R3HDM2: variants seen among roughly 807,000 people sequenced by gnomAD.
R3HDM2 encodes the protein R3H domain containing 2.
A neutral mutation model predicts 124.5 loss-of-function variants in R3HDM2; 38 were observed. The observed-to-expected ratio is 0.31, with a 90% confidence interval of 0.24 to 0.40. The LOEUF (loss-of-function observed/expected upper bound fraction) is 0.40, where lower values mean the gene tolerates loss of function less well. Ranked by LOEUF, R3HDM2 falls within the 10% of genes least tolerant of loss-of-function variation. The pLI, the probability that R3HDM2 is intolerant of heterozygous loss-of-function variation, is 1.00. For synonymous variants in R3HDM2, 391 were observed against 448.0 expected (o/e 0.87, Z 1.61); for missense variants, 869 against 1,236.9 (o/e 0.70, Z 4.46).
intron 2 of R3HDM2, among the ~76,000 whole-genome samples, chr12:57,377,533 G>A (rs924088649): frequency 4.6e-5 from 7 of 151,960 alleles, no homozygotes; most frequent in Middle Eastern, 3.4e-3. Flanking sequence ...GAATCTACCC[G>A]CTAAACCTGT....
chr12:57,314,428 G>A (rs941358509), intron 2 of R3HDM2, among the ~76,000 whole-genome samples: 2 of 152,108 alleles, frequency 1.3e-5, no homozygotes, highest in African/African-American at 4.8e-5. Flanking sequence ...GCGGTGAGCC[G>A]AGATTGTGCC....
chr12:57,297,975 C>T, intron 7 of R3HDM2, 115 bp downstream of exon 7: 3 of 740,648 alleles, frequency 4.1e-6, no homozygotes, highest in Non-Finnish European at 7.3e-6. Context: ...ACTAGGGGGA[C>T]AGGAAGATGA....
At chr12:57,372,243 C>T (rs1207416615) in intron 2 of R3HDM2, among the ~76,000 whole-genome samples, 1 of 152,140 alleles carries the variant, frequency 6.6e-6, no homozygotes, top group Non-Finnish European at 1.5e-5. Context: ...CCAGGTATGT[C>T]ATCCAAGTTG....
intron 2 of R3HDM2, among the ~76,000 whole-genome samples, chr12:57,319,151 C>T (rs139569504): frequency 2.0e-5 from 3 of 152,120 alleles, no homozygotes; most frequent in East Asian, 1.9e-4. Context: ...GGAGTGCAAG[C>T]GGCATGATCT....
At chr12:57,289,937 T>C (rs2048245897) in intron 11 of R3HDM2, among the ~76,000 whole-genome samples, 2 of 152,242 alleles carry the variant, frequency 1.3e-5, no homozygotes, top group South Asian at 4.1e-4. Context: ...TGGAGTATGA[T>C]GGGCTTTGGC....
At chr12:57,412,850 C>T (rs922118217) in intron 1 of R3HDM2, among the ~76,000 whole-genome samples, 9 of 150,366 alleles carry the variant, frequency 6.0e-5, no homozygotes, top group Admixed American at 1.3e-4. Flanking sequence ...TAAAAACACA[C>T]AAAAAATTAG....
rs2067415158 is a variant in R3HDM2 at position 57,395,777 on chromosome 12, C to T, written c.-64G>A. The T allele has an allele frequency of 1.0e-6, 1 of 984,774 alleles. No individual in the cohort carries two copies. Among genetic ancestry groups the T allele is most frequent in the Admixed American group, 6.2e-5 (1 of 16,234 alleles). 61.0% of individuals were successfully genotyped at this position (984,774 alleles called of 1,614,324 possible). A position where few individuals can be genotyped will look rare whatever the true frequency, so the allele number is the denominator to read the frequency against. On this transcript the variant is annotated 5_prime_UTR_variant, in exon 2 of 24. An upstream open reading frame in the 5' UTR gains an earlier in-frame stop. Coordinates refer to ENST00000402412, the MANE Select transcript of R3HDM2 (RefSeq NM_001394031.1). Reference sequence around the variant, plus strand: ...AATAAATGCTCAGCCTCCATGAGTCCAGTGCTGGAATGGCATCACATATAA... The same window carrying T: ...AATAAATGCTCAGCCTCCATGAGTCTAGTGCTGGAATGGCATCACATATAA...
At chr12:57,413,848 T>C (rs953406766) in intron 1 of R3HDM2, among the ~76,000 whole-genome samples, 797 of 3,670 alleles carry the variant, frequency 0.22, 3 homozygotes, top group Middle Eastern at 0.29. Flanking sequence ...ATCCCCCCCC[T>C]TTTTTTTTTT....
intron 12 of R3HDM2, among the ~76,000 whole-genome samples, chr12:57,288,112 T>C (rs2047771644): frequency 6.6e-6 from 1 of 150,410 alleles, no homozygotes; most frequent in Non-Finnish European, 1.5e-5. Context: ...CTCCGCCTCC[T>C]GGGTTCAAGC....
chr12:57,325,020 G>T (rs2057090964), intron 2 of R3HDM2, among the ~76,000 whole-genome samples: 5 of 152,178 alleles, frequency 3.3e-5, no homozygotes, highest in Admixed American at 2.0e-4. Context: ...CAGAGAGAAG[G>T]TGACCATCTG....
At chr12:57,365,273 AG>A (rs879571471) in intron 2 of R3HDM2, among the ~76,000 whole-genome samples, 8 of 149,428 alleles carry the variant, frequency 5.4e-5, no homozygotes, top group African/African-American at 1.5e-4. Context: ...CCAAAAAAAA[AG>A]AAAAAAAAAA....
intron 2 of R3HDM2, among the ~76,000 whole-genome samples, chr12:57,373,954 C>T (rs1333931657): frequency 6.6e-6 from 1 of 151,594 alleles, no homozygotes; most frequent in Non-Finnish European, 1.5e-5. Context: ...ATGGTGAAAC[C>T]CCGCCTCTAC....
At chr12:57,298,252 A>C in intron 6 of R3HDM2, 84 bp from the exon 7 acceptor site, 4 of 1,055,250 alleles carry the variant, frequency 3.8e-6, no homozygotes, top group Non-Finnish European at 5.5e-6. Context: ...CCACAACCTA[A>C]CCAGGAGAAA....
chr12:57,277,496 T>C (rs1436091322), intron 14 of R3HDM2, among the ~76,000 whole-genome samples: 1 of 151,704 alleles, frequency 6.6e-6, no homozygotes, highest in African/African-American at 2.4e-5. Flanking sequence ...TGGAGTGCAG[T>C]GGTGCAATCT....
intron 19 of R3HDM2, among the ~76,000 whole-genome samples, chr12:57,265,256 T>C (rs1241516358): frequency 1.3e-5 from 2 of 152,218 alleles, no homozygotes; most frequent in Non-Finnish European, 2.9e-5. Flanking sequence ...TTTAGGCAAG[T>C]CATTTAATTT....
At chr12:57,338,598 C>A (rs958138006) in intron 2 of R3HDM2, among the ~76,000 whole-genome samples, 1 of 152,152 alleles carries the variant, frequency 6.6e-6, no homozygotes, top group Non-Finnish European at 1.5e-5. Flanking sequence ...CACCATATAG[C>A]CCAGGCTGGT....
Position 57,271,682 on chromosome 12 carries a change from A to C in R3HDM2, c.1345-1688T>G, listed in dbSNP as rs143691419. ...GGATTCTAGAGAAAAAGTAGATGTT[A>C]AGACAGAGCAAAACAATTCAGGGCT... On this transcript the variant is annotated intron_variant, in intron 14 of 23. Transcript: ENST00000402412. 3.9e-3 allele frequency among the ~76,000 whole-genome samples: 588 copies of C among 152,348 alleles called. 2 individuals carry two copies. Among genetic ancestry groups the C allele is most frequent in the African/African-American group, 0.014 (569 of 41,580 alleles).
At chr12:57,276,412 G>A (rs556978141) in intron 14 of R3HDM2, among the ~76,000 whole-genome samples, 176 of 151,582 alleles carry the variant, frequency 1.2e-3, no homozygotes, top group African/African-American at 4.2e-3. Context: ...AAGAAACTGT[G>A]GTATATACAC....
chr12:57,326,635 C>T (rs938627652), intron 2 of R3HDM2, among the ~76,000 whole-genome samples: 7 of 152,128 alleles, frequency 4.6e-5, no homozygotes, highest in African/African-American at 1.7e-4. Context: ...TATAGAAGAT[C>T]TAGTTAAGAA....
Sources: gnomAD v4.1 joint callset for allele counts (sites outside exome capture counted in the v4.1 genomes callset) on GRCh38, gnomAD v4.1.1 for gene constraint, MANE v1.5 for transcripts, NCBI Gene and HGNC (gene_info 2026-07-23, HGNC 2026-07-21) for gene names.